The following HIBADH variants were observed in gnomAD, a reference collection of about 807,000 sequenced individuals.
HIBADH encodes the protein 3-hydroxyisobutyrate dehydrogenase, also known as 3-hydroxyisobutyrate dehydrogenase, mitochondrial.
In HIBADH, 25 loss-of-function variants were observed where a neutral mutation model predicts 36.1. The observed-to-expected ratio is 0.69, with a 90% CI of 0.50 to 0.97. The LOEUF is 0.97. HIBADH is among the 50% of genes least tolerant of loss of function. The pLI, the probability that HIBADH is intolerant of heterozygous loss-of-function variation, is 0.00. For synonymous variants in HIBADH, 160 were observed against 149.5 expected (o/e 1.07, Z -0.51); for missense variants, 421 against 418.0 (o/e 1.01, Z -0.06).
At chr7:27,527,501 G>A (rs1783921621) in intron 7 of HIBADH, among the ~76,000 whole-genome samples, 1 of 152,190 alleles carries the variant, frequency 6.6e-6, no homozygotes, top group Non-Finnish European at 1.5e-5. Flanking sequence ...GAATGAGGGA[G>A]AGTAAGCCAA....
chr7:27,567,441 G>C (rs749792019), intron 4 of HIBADH, among the ~76,000 whole-genome samples: 1 of 151,870 alleles, frequency 6.6e-6, no homozygotes, highest in African/African-American at 2.4e-5. Flanking sequence ...TGATAATATC[G>C]TGCCTTTTAG....
Position 27,526,276 on chromosome 7 carries a change from C to T in HIBADH, c.949G>A (p.Gly317Ser), listed in dbSNP as rs2128182133. The stretch of plus-strand genomic sequence containing the variant: ...GATGAGAAGTCTTTCTTTGAGTAGC[C>T]CTTTGCACACATCATCCTGTAGATC... ...HQIYRMMCAK[G>S]YSKKDFSSVF... Residue 317 changes from glycine to serine, a missense_variant, in exon 8 of 8, where the codon GGC becomes AGC. By Grantham distance (56) the Gly-to-Ser change is moderately conservative. Transcript: ENST00000265395. 2 of 1,613,606 alleles carry T rather than the reference C, an allele frequency of 1.2e-6. No homozygotes were observed. The highest frequency in any genetic ancestry group is 1.3e-5 in the African/African-American group (1 of 74,996).
chr7:27,531,783 G>T (rs572163179), intron 6 of HIBADH, among the ~76,000 whole-genome samples: 1 of 151,774 alleles, frequency 6.6e-6, no homozygotes, highest in Middle Eastern at 3.2e-3. Context: ...ACAGATAAAC[G>T]ATGCATCATG....
chr7:27,544,158 G>C (rs1244210785), intron 4 of HIBADH, among the ~76,000 whole-genome samples: 1 of 152,092 alleles, frequency 6.6e-6, no homozygotes, highest in African/African-American at 2.4e-5. Flanking sequence ...GCAGGTAATG[G>C]CCTGCTTTTG....
At position 27,632,426 on chromosome 7, in the gene HIBADH, T is replaced by G. The variant is rs1434768945; in HGVS notation, c.272A>C (p.Asp91Ala). 6.2e-7 allele frequency: 1 copy of G among 1,612,908 alleles called. No homozygotes were observed. ...AATTCTGTCAGCTTTTTCAGCAACATCTGCTGGGGAAGATACTACCTTTAA... is the reference window on the plus strand; with the variant it reads ...AATTCTGTCAGCTTTTTCAGCAACAGCTGCTGGGGAAGATACTACCTTTAA... ...AGEQVVSSPA[D>A]VAEKADRIIT... Residue 91 changes from aspartate (D) to alanine (A), a missense_variant, in exon 3 of 8, where the codon GAT becomes GCT. Physicochemically the swap from Asp to Ala is moderately radical, Grantham distance 126. Coordinates refer to ENST00000265395, the MANE Select transcript of HIBADH (RefSeq NM_152740.4).
intron 4 of HIBADH, among the ~76,000 whole-genome samples, chr7:27,577,278 C>T (rs1165099259): frequency 2.0e-5 from 3 of 151,868 alleles, no homozygotes; most frequent in African/African-American, 7.3e-5. Flanking sequence ...ATTCTCCTAC[C>T]TCATCCTCCC....
rs1279882800 is a variant in HIBADH, at chr7:27,599,024, TA to T, written c.484+30346del. Among the ~76,000 whole-genome samples, 3 of 150,646 alleles carry T rather than the reference TA, an allele frequency of 2.0e-5. No homozygotes were observed. In the Admixed American group the frequency reaches 2.0e-4, roughly 10 times the overall value. ...AGTACAATTCAAACTCGACATACAG[TA>T]ACATAATCATCTATGTCAAATGCAG... On this transcript the variant is annotated intron_variant, in intron 4 of 7. Transcript: ENST00000265395.
chr7:27,645,618 G>A (rs1275780932), intron 2 of HIBADH, among the ~76,000 whole-genome samples: 1 of 151,972 alleles, frequency 6.6e-6, no homozygotes, highest in Non-Finnish European at 1.5e-5. Context: ...CTGACCTCAA[G>A]TGATCCACCT....
At chr7:27,652,455 G>C (rs1329794088) in intron 1 of HIBADH, among the ~76,000 whole-genome samples, 1 of 152,236 alleles carries the variant, frequency 6.6e-6, no homozygotes, top group Non-Finnish European at 1.5e-5. Flanking sequence ...TGAGGCAGCA[G>C]TGTACAATGA....
Position 27,526,123 on chromosome 7 carries a change from T to TTGATTAAA in HIBADH, c.*83_*90dup, listed in dbSNP as rs1249972410. Reference sequence around the variant, plus strand: ...ACAATCAAAAGCAGATAGGTGACCTTTGATTAAATCCATTTACTTGTGGAG... The same window carrying TTGATTAAA: ...ACAATCAAAAGCAGATAGGTGACCTTTGATTAAATGATTAAATCCATTTACTTGTGGAG... On this transcript the variant is annotated 3_prime_UTR_variant, in exon 8 of 8. Transcript: ENST00000265395. 1 of 1,127,002 alleles carries TTGATTAAA rather than the reference T, an allele frequency of 8.9e-7. No individual in the cohort carries two copies. Among genetic ancestry groups the TTGATTAAA allele is most frequent in the African/African-American group, 1.6e-5 (1 of 62,428 alleles). The allele number at this position is 1,127,002 out of a possible 1,614,324, so 69.8% of individuals were successfully genotyped here.
chr7:27,534,156 T>A (rs1237037261), intron 6 of HIBADH, among the ~76,000 whole-genome samples: 3 of 152,174 alleles, frequency 2.0e-5, no homozygotes, highest in Non-Finnish European at 4.4e-5. Flanking sequence ...AAATAATGCA[T>A]AAACTGCAAA....
At chr7:27,553,231 T>C (rs2128185726) in intron 4 of HIBADH, among the ~76,000 whole-genome samples, 1 of 152,326 alleles carries the variant, frequency 6.6e-6, no homozygotes, top group East Asian at 1.9e-4. Context: ...ATAGGCTATA[T>C]CTGAAACAGC....
intron 2 of HIBADH, among the ~76,000 whole-genome samples, chr7:27,633,928 C>T (rs1168380289): frequency 6.6e-6 from 1 of 152,160 alleles, no homozygotes; most frequent in Non-Finnish European, 1.5e-5. Flanking sequence ...CAGAAGTTTA[C>T]ACATGTTCTT....
chr7:27,602,856 A>G (rs1785155592), intron 4 of HIBADH, among the ~76,000 whole-genome samples: 1 of 152,124 alleles, frequency 6.6e-6, no homozygotes, highest in African/African-American at 2.4e-5. Flanking sequence ...AAAAAAATCC[A>G]CTAATAGATT....
intron 4 of HIBADH, among the ~76,000 whole-genome samples, chr7:27,582,072 ATT>A (rs1784801379): frequency 6.6e-6 from 1 of 152,146 alleles, no homozygotes. Context: ...TTGACTTAGG[ATT>A]AACAGTCTCT....
At chr7:27,615,730 G>A (rs973758346) in intron 4 of HIBADH, among the ~76,000 whole-genome samples, 4 of 152,084 alleles carry the variant, frequency 2.6e-5, no homozygotes, top group African/African-American at 4.8e-5. Flanking sequence ...AAACAACTCC[G>A]CTACTAGTTT....
chr7:27,609,368 GC>G (rs527268215), intron 4 of HIBADH, among the ~76,000 whole-genome samples: 21 of 152,086 alleles, frequency 1.4e-4, no homozygotes, highest in Non-Finnish European at 2.4e-4. Context: ...ATTTTTATGG[GC>G]ACCTCTTCTT....
intron 4 of HIBADH, among the ~76,000 whole-genome samples, chr7:27,617,502 A>T (rs946299638): frequency 1.3e-5 from 2 of 152,210 alleles, no homozygotes; most frequent in African/African-American, 4.8e-5. Context: ...GACAGATACC[A>T]GACAGCCACC....
chr7:27,613,128 A>AT (rs1785355881), intron 4 of HIBADH, among the ~76,000 whole-genome samples: 1 of 123,398 alleles, frequency 8.1e-6, no homozygotes, highest in Non-Finnish European at 1.7e-5. Context: ...ATATATTTAT[A>AT]TATATTTATA....
Sources: gnomAD v4.1 joint callset for allele counts (sites outside exome capture counted in the v4.1 genomes callset) on GRCh38, gnomAD v4.1.1 for gene constraint, MANE v1.5 for transcripts, NCBI Gene and HGNC (gene_info 2026-07-23, HGNC 2026-07-21) for gene names.